The following ZSCAN25 variants were observed in gnomAD, a reference collection of about 807,000 sequenced individuals.
ZSCAN25 encodes zinc finger and SCAN domain-containing protein 25.
ZSCAN25 carries 27 observed loss-of-function variants against 38.7 expected under a neutral mutation model. The observed-to-expected ratio is 0.70, with a 90% CI of 0.51 to 0.96. The LOEUF is 0.96. Ranked by LOEUF, ZSCAN25 falls within the 40% of genes least tolerant of loss-of-function variation. The pLI is 0.00. For missense variants in ZSCAN25, 637 were observed against 705.9 expected, an observed-to-expected ratio of 0.90 and a Z score of 1.11; for synonymous variants, 273 against 277.7, an observed-to-expected ratio of 0.98 and a Z score of 0.17.
the ZSCAN25 span, among the ~76,000 whole-genome samples, chr7:99,737,864 G>A: frequency 5.3e-5 from 8 of 152,188 alleles, no homozygotes; most frequent in African/African-American, 7.2e-5. Context: ...TTGAAGGCAT[G>A]TTCTGCCACT....
At chr7:99,735,853 C>T in the ZSCAN25 span, among the ~76,000 whole-genome samples, 1 of 152,164 alleles carries the variant, frequency 6.6e-6, no homozygotes, top group Non-Finnish European at 1.5e-5. Flanking sequence ...ACAGTGGGGA[C>T]CAGAAAGGCT....
the ZSCAN25 span, among the ~76,000 whole-genome samples, chr7:99,646,836 A>G: frequency 5.6e-3 from 831 of 149,150 alleles, 6 homozygotes; most frequent in African/African-American, 0.02. Flanking sequence ...ACACACACAC[A>G]CATGCATGCT....
At chr7:99,720,517 G>T in the ZSCAN25 span, 3 of 1,228,930 alleles carry the variant, frequency 2.4e-6, no homozygotes, top group Non-Finnish European at 3.6e-6. Context: ...TAATCCTCTA[G>T]ATGTACAATA....
chr7:99,669,365 A>C, the ZSCAN25 span, among the ~76,000 whole-genome samples: 1 of 152,240 alleles, frequency 6.6e-6, no homozygotes, highest in African/African-American at 2.4e-5. Flanking sequence ...TCAACAAAAA[A>C]GATTTTTTAA....
the ZSCAN25 span, among the ~76,000 whole-genome samples, chr7:99,656,950 A>T: frequency 6.6e-6 from 1 of 151,744 alleles, no homozygotes; most frequent in Admixed American, 6.6e-5. Flanking sequence ...TTTTTATTGC[A>T]TCTATTTGAT....
chr7:99,679,874 G>A, the ZSCAN25 span: 11 of 1,613,896 alleles, frequency 6.8e-6, no homozygotes, highest in Admixed American at 3.3e-5. Context: ...GGTTTCCACC[G>A]CCAAATTTGG....
At chr7:99,658,387 T>C in the ZSCAN25 span, among the ~76,000 whole-genome samples, 1 of 152,200 alleles carries the variant, frequency 6.6e-6, no homozygotes. Context: ...AATTCTTTTC[T>C]TTAAGAATGT....
chr7:99,638,764 A>G, the ZSCAN25 span: 3 of 1,036,572 alleles, frequency 2.9e-6, no homozygotes, highest in East Asian at 2.4e-5. Context: ...CACTTTCCCC[A>G]TCGCGTCAGA....
chr7:99,713,438 C>A, the ZSCAN25 span: 36 of 1,612,630 alleles, frequency 2.2e-5, no homozygotes, highest in South Asian at 4.0e-4. Flanking sequence ...GAGTGCCCCA[C>A]CAGTAGCCCT....
At chr7:99,638,528 C>T in the ZSCAN25 span, 72,188 of 1,506,896 alleles carry the variant, frequency 0.048, 2,210 homozygotes, top group African/African-American at 0.13. Context: ...GACCTTGGGT[C>T]CCAGTGTAGT....
the ZSCAN25 span, among the ~76,000 whole-genome samples, chr7:99,651,682 C>G: frequency 6.6e-6 from 1 of 152,204 alleles, no homozygotes; most frequent in South Asian, 2.1e-4. Context: ...AATCACCAGC[C>G]AGTACCCTAA....
chr7:99,710,774 C>T, the ZSCAN25 span: 10 of 1,613,928 alleles, frequency 6.2e-6, no homozygotes, highest in South Asian at 9.9e-5. Flanking sequence ...GCACTTTCTG[C>T]TGGACATCAG....
At chr7:99,717,070 T>C in the ZSCAN25 span, 1 of 1,433,514 alleles carries the variant, frequency 7.0e-7, no homozygotes, top group Non-Finnish European at 9.8e-7. Context: ...ACAGCCCTCC[T>C]TTTGTCTGGT....
chr7:99,724,871 G>A, the ZSCAN25 span, among the ~76,000 whole-genome samples: 5 of 152,024 alleles, frequency 3.3e-5, no homozygotes, highest in African/African-American at 4.8e-5. Context: ...TCAGTCCTGC[G>A]ATTTAACCTG....
downstream of ZSCAN25, among the ~76,000 whole-genome samples, chr7:99,635,734 A>G (rs1450451816): frequency 1.3e-5 from 2 of 152,204 alleles, no homozygotes; most frequent in East Asian, 3.8e-4. Context: ...TGTCTTCACA[A>G]GTTAGAAATA....
intron 1 of ZSCAN25, among the ~76,000 whole-genome samples, 174 bp downstream of exon 1, chr7:99,617,190 C>T (rs1047914103): frequency 3.0e-4 from 45 of 152,180 alleles, no homozygotes; most frequent in African/African-American, 8.7e-4. Context: ...CTTCAGCGGC[C>T]CCGAGGCCCT....
At chr7:99,716,528 C>A in the ZSCAN25 span, among the ~76,000 whole-genome samples, 4 of 152,100 alleles carry the variant, frequency 2.6e-5, no homozygotes, top group African/African-American at 9.7e-5. Context: ...TTAAAAAAAA[C>A]TCTCAAAATT....
At chr7:99,663,519 A>G in the ZSCAN25 span, 1 of 991,784 alleles carries the variant, frequency 1.0e-6, no homozygotes, top group Non-Finnish European at 1.2e-6. Flanking sequence ...CACATTTACC[A>G]CACACTACAT....
the ZSCAN25 span, among the ~76,000 whole-genome samples, chr7:99,639,506 A>G: frequency 6.6e-6 from 1 of 152,216 alleles, no homozygotes; most frequent in South Asian, 2.1e-4. Flanking sequence ...CCTGTCAGGT[A>G]GGTCCCTGCC....
Sources: allele counts gnomAD v4.1 joint callset (sites outside exome capture counted in the v4.1 genomes callset), GRCh38; gene constraint gnomAD v4.1.1; transcripts MANE v1.5; gene names NCBI Gene and HGNC (gene_info 2026-07-23, HGNC 2026-07-21).